The following VPS41 variants were observed in gnomAD, a reference collection of about 807,000 sequenced individuals.
VPS41 encodes vacuolar protein sorting-associated protein 41 homolog.
VPS41 carries 85 observed loss-of-function variants against 130.9 expected under a neutral mutation model. That is an observed-to-expected ratio of 0.65 (90% confidence interval 0.55 to 0.78). The LOEUF (loss-of-function observed/expected upper bound fraction) is 0.78, where lower values mean the gene tolerates loss of function less well. Ranked by LOEUF, VPS41 falls within the 30% of genes least tolerant of loss-of-function variation. The pLI, the probability that VPS41 is intolerant of heterozygous loss-of-function variation, is 0.00. For missense variants in VPS41, 874 were observed against 1,018.7 expected (o/e 0.86, Z 1.93); for synonymous variants, 335 against 332.9 (o/e 1.01, Z -0.07).
In VPS41 at chr7:38,858,094, C is replaced by T. The variant is rs112171038; in HGVS notation, c.246+4451G>A. On this transcript the variant is annotated intron_variant, in intron 4 of 28. Transcript: ENST00000310301. ...AGGTGGCACCCTTAGAGGTAATATACGGCAAACGTTTCCTATTCAGACCTT... is the reference window on the plus strand; with the variant it reads ...AGGTGGCACCCTTAGAGGTAATATATGGCAAACGTTTCCTATTCAGACCTT... Among the ~76,000 whole-genome samples, 234 of 152,208 alleles carry T rather than the reference C, an allele frequency of 1.5e-3. 1 individual carries two copies. Among genetic ancestry groups the T allele is most frequent in the Non-Finnish European group, 2.4e-3 (166 of 68,002 alleles).
intron 27 of VPS41, among the ~76,000 whole-genome samples, chr7:38,727,961 A>T (rs1426624937): frequency 6.6e-6 from 1 of 152,150 alleles, no homozygotes; most frequent in Non-Finnish European, 1.5e-5. Context: ...TCTTTTAAAG[A>T]CTCACAGTTC....
chr7:38,904,642 C>G (rs1787217251), intron 1 of VPS41, among the ~76,000 whole-genome samples: 1 of 152,178 alleles, frequency 6.6e-6, no homozygotes, highest in Non-Finnish European at 1.5e-5. Flanking sequence ...ACTTCATACT[C>G]ACAAAAGTTT....
intron 7 of VPS41, among the ~76,000 whole-genome samples, chr7:38,811,596 TACACACACAC>T (rs35859906): frequency 6.7e-6 from 1 of 148,572 alleles, no homozygotes; most frequent in Non-Finnish European, 1.5e-5. Context: ...TGTTTTGTCA[TACACACACAC>T]ACACACACAC....
chr7:38,824,325 T>C (rs1165372544), intron 5 of VPS41, among the ~76,000 whole-genome samples: 1 of 152,194 alleles, frequency 6.6e-6, no homozygotes, highest in Admixed American at 6.5e-5. Context: ...AATCCCACCC[T>C]GAACAAACAA....
At chr7:38,798,217 G>C (rs1784657406) in intron 7 of VPS41, among the ~76,000 whole-genome samples, 1 of 152,166 alleles carries the variant, frequency 6.6e-6, no homozygotes, top group Admixed American at 6.5e-5. Context: ...AGGAAAGGGG[G>C]AGAAAGGCTG....
intron 25 of VPS41, among the ~76,000 whole-genome samples, chr7:38,730,176 G>C (rs887035424): frequency 6.6e-6 from 1 of 152,226 alleles, no homozygotes; most frequent in South Asian, 2.1e-4. Flanking sequence ...CCACTGTTTA[G>C]AGGGGGCACT....
intron 5 of VPS41, among the ~76,000 whole-genome samples, chr7:38,824,309 T>C (rs1785229844): frequency 6.6e-6 from 1 of 152,218 alleles, no homozygotes; most frequent in Admixed American, 6.5e-5. Context: ...TGGAAACTAA[T>C]GGCCAAATCC....
chr7:38,776,715 A>C lies in VPS41; in HGVS notation c.846T>G (p.Val282=), dbSNP rs1784266929. Residue 282 remains valine (V), a synonymous_variant, in exon 11 of 29, where the codon GTT becomes GTG. Transcript: ENST00000310301. ...AAATCTCCTTTACATACGAAAGTAC[A>C]ACAAGCTGATCACAGAGAGGTGCAA... ...SGLAPLCDQL[V]VLSYVKEISE... is the part of the protein sequence containing the mutation. 6.2e-7 allele frequency: 1 copy of C among 1,612,268 alleles called. No homozygotes were observed.
At chr7:38,909,040 G>T in intron 1 of VPS41, 114 bp downstream of exon 1, 7 of 1,258,020 alleles carry the variant, frequency 5.6e-6, no homozygotes, top group Non-Finnish European at 8.1e-6. Flanking sequence ...CCGCGGACCT[G>T]CCTTGCGCTA....
chr7:38,810,194 G>C (rs1011757204), intron 7 of VPS41, among the ~76,000 whole-genome samples: 1 of 151,620 alleles, frequency 6.6e-6, no homozygotes, highest in African/African-American at 2.4e-5. Context: ...TCCAGCTATG[G>C]CATTCAACTA....
chr7:38,763,612 A>T, intron 16 of VPS41, 65 bp from the exon 17 acceptor site: 1 of 989,038 alleles, frequency 1.0e-6, no homozygotes, highest in Non-Finnish European at 1.5e-6. Flanking sequence ...CATTCCAATT[A>T]TGCAGAAAAC....
Position 38,847,174 on chromosome 7 carries a change from C to T in VPS41, c.246+15371G>A, listed in dbSNP as rs1785744666. ...CAGAACTCTGTGGAGAAGGGACAAT[C>T]CCTTCCATTCACAAAACAGACATTT... On this transcript the variant is annotated intron_variant, in intron 4 of 28. Coordinates refer to ENST00000310301, the MANE Select transcript of VPS41 (RefSeq NM_014396.4). Among the ~76,000 whole-genome samples the T allele has an allele frequency of 2.0e-5, 3 of 152,178 alleles. 1 individual carries two copies.
At chr7:38,791,400 T>C (rs1177167557) in intron 9 of VPS41, among the ~76,000 whole-genome samples, 1 of 152,302 alleles carries the variant, frequency 6.6e-6, no homozygotes, top group East Asian at 1.9e-4. Context: ...TAGTGAACAC[T>C]TTTTTGGGCA....
At chr7:38,858,912 C>A (rs1286858000) in intron 4 of VPS41, among the ~76,000 whole-genome samples, 1 of 152,146 alleles carries the variant, frequency 6.6e-6, no homozygotes, top group Non-Finnish European at 1.5e-5. Flanking sequence ...CAGCCTCAGG[C>A]AGGTCCTTCT....
intron 17 of VPS41, 148 bp downstream of exon 17, chr7:38,763,307 A>T (rs1048302947): frequency 4.0e-5 from 19 of 474,472 alleles, no homozygotes; most frequent in Non-Finnish European, 6.3e-5. Context: ...CATGAGTTAT[A>T]CTGGAGTTTC....
At chr7:38,782,890 A>G (rs982732492) in intron 10 of VPS41, among the ~76,000 whole-genome samples, 1 of 151,684 alleles carries the variant, frequency 6.6e-6, no homozygotes, top group East Asian at 2.0e-4. Context: ...GCCGAGGTGG[A>G]CGGATCACTT....
At chr7:38,778,667 A>G (rs1784302974) in intron 10 of VPS41, among the ~76,000 whole-genome samples, 2 of 152,232 alleles carry the variant, frequency 1.3e-5, no homozygotes, top group African/African-American at 4.8e-5. Flanking sequence ...TTGGGTGAAG[A>G]GCAGAGAATC....
intron 24 of VPS41, among the ~76,000 whole-genome samples, chr7:38,743,109 A>C (rs1795916360): frequency 6.6e-6 from 1 of 152,158 alleles, no homozygotes; most frequent in African/African-American, 2.4e-5. Context: ...AACCCAGATG[A>C]CATTTATTCA....
chr7:38,797,463 T>G (rs1191535160), intron 7 of VPS41, among the ~76,000 whole-genome samples: 1 of 152,216 alleles, frequency 6.6e-6, no homozygotes, highest in Non-Finnish European at 1.5e-5. Context: ...GCTGGATAAA[T>G]TTTAATATAA....
Sources: allele counts gnomAD v4.1 joint callset (sites outside exome capture counted in the v4.1 genomes callset), GRCh38; gene constraint gnomAD v4.1.1; transcripts MANE v1.5; gene names NCBI Gene and HGNC (gene_info 2026-07-23, HGNC 2026-07-21).